The following INTS8 variants were observed in gnomAD, a reference collection of about 807,000 sequenced individuals.
INTS8 encodes integrator complex subunit 8.
Under a neutral mutation model 138.9 loss-of-function variants are expected in INTS8, and 47 were observed. That is an observed-to-expected ratio of 0.34 (90% CI 0.27 to 0.43). INTS8 has a LOEUF of 0.43. INTS8 is among the 20% of genes least tolerant of loss of function. The pLI is 1.00. For synonymous variants in INTS8, 392 were observed against 400.9 expected (o/e 0.98, Z 0.27); for missense variants, 996 against 1,173.0 (o/e 0.85, Z 2.20).
At chr8:94,849,880 C>T (rs919448866) in intron 11 of INTS8, 36 bp from the exon 12 acceptor site, 14 of 1,470,860 alleles carry the variant, frequency 9.5e-6, no homozygotes, top group African/African-American at 5.7e-5. Flanking sequence ...CTAAATTATA[C>T]ACTTTTTTGT....
At chr8:94,829,922 CAG>C (rs1490496365) in intron 5 of INTS8, among the ~76,000 whole-genome samples, 1 of 151,950 alleles carries the variant, frequency 6.6e-6, no homozygotes, top group Non-Finnish European at 1.5e-5. Context: ...TTTTTTGAGA[CAG>C]AGTCTTGCTC....
intron 10 of INTS8, among the ~76,000 whole-genome samples, chr8:94,848,550 T>C (rs963377785): frequency 3.3e-5 from 5 of 152,194 alleles, no homozygotes; most frequent in African/African-American, 1.2e-4. Flanking sequence ...ATTTATCTGT[T>C]CTGGATATTT....
chr8:94,848,348 C>T (rs1815406128), intron 10 of INTS8, among the ~76,000 whole-genome samples: 1 of 152,126 alleles, frequency 6.6e-6, no homozygotes, highest in Non-Finnish European at 1.5e-5. Flanking sequence ...AGATATAATT[C>T]ACATACCATA....
At chr8:94,875,503 T>C (rs1026813160) in intron 23 of INTS8, among the ~76,000 whole-genome samples, 6 of 152,188 alleles carry the variant, frequency 3.9e-5, no homozygotes, top group Admixed American at 2.0e-4. Context: ...AATGGACTTT[T>C]TTGGGGGAAG....
In INTS8 at chr8:94,836,328, A is replaced by G. The variant is rs546554467; in HGVS notation, c.754-196A>G. 3.3e-5 allele frequency among the ~76,000 whole-genome samples: 5 copies of G among 152,294 alleles called. No individual in the cohort carries two copies. The East Asian group carries it at 5.8e-4, about 18-fold the overall frequency. ...GACCTAAAATCTACTCAGTAAATCA[A>G]TATTCTGCTTAAGTTGACCAGAGTT... On this transcript the variant is annotated intron_variant, in intron 6 of 26. Transcript: ENST00000523731.
rs777609276 is a variant in INTS8, at chr8:94,838,489, C to T, written c.888C>T (p.Thr296=). ...AEIGSLSLHC[T]IDEKRLAGYC... Reference sequence around the variant, plus strand: ...TAGGTTCATTATCTCTTCATTGTACCATAGATGAGAAGCGGTTAGCTGGCT... The same window carrying T: ...TAGGTTCATTATCTCTTCATTGTACTATAGATGAGAAGCGGTTAGCTGGCT... The change falls in exon 8 of 27, where the codon ACC becomes ACT. Residue 296 remains threonine (T), a synonymous_variant. Coordinates refer to ENST00000523731, the MANE Select transcript of INTS8 (RefSeq NM_017864.4). 6.2e-7 allele frequency: 1 copy of T among 1,613,228 alleles called. No individual in the cohort carries two copies. The highest frequency in any genetic ancestry group is 2.2e-5 in the East Asian group (1 of 44,880).
Position 94,873,474 on chromosome 8 carries a change from C to G in INTS8, c.2634C>G (p.Asp878Glu), listed in dbSNP as rs1467830836. The G allele has an allele frequency of 1.2e-6, 2 of 1,602,662 alleles. No homozygotes were observed. The highest frequency in any genetic ancestry group is 1.7e-5 in the Admixed American group (1 of 59,988). Residue 878 changes from aspartate to glutamate, a missense_variant, in exon 22 of 27, where the codon GAC (aspartate) becomes GAG (glutamate). Coordinates refer to ENST00000523731, the MANE Select transcript of INTS8 (RefSeq NM_017864.4). ...CTGTGCCCCCTGATGTTTATACAGACCAGGTGAATTGTTTTCGTGGGCTGG... is the reference window on the plus strand; with the variant it reads ...CTGTGCCCCCTGATGTTTATACAGAGCAGGTGAATTGTTTTCGTGGGCTGG... ...NKAVPPDVYTDQVIKRMIKCC... is the reference protein window; with the variant it reads ...NKAVPPDVYTEQVIKRMIKCC...
At chr8:94,835,354 C>T (rs749842870) in intron 6 of INTS8, among the ~76,000 whole-genome samples, 6 of 152,132 alleles carry the variant, frequency 3.9e-5, no homozygotes, top group Non-Finnish European at 7.3e-5. Context: ...TTCCAGGTGT[C>T]AATATAAGCT....
intron 16 of INTS8, among the ~76,000 whole-genome samples, chr8:94,862,686 G>A (rs1264572596): frequency 1.3e-5 from 2 of 152,170 alleles, no homozygotes; most frequent in Non-Finnish European, 2.9e-5. Context: ...TATGTCATCT[G>A]GTGGTTAGGG....
chr8:94,854,821 TC>T lies in INTS8; in HGVS notation c.1752+908del, dbSNP rs1401845287. Among the ~76,000 whole-genome samples, 6 of 152,218 alleles carry T rather than the reference TC, an allele frequency of 3.9e-5. No homozygotes were observed. The East Asian group carries it at 1.2e-3, about 29-fold the overall frequency. ...ATCATGGCTCACTGCAGCCTCGACTTCCTGGGCTCAAGCAATTCTCCTACCT... is the reference window on the plus strand; with the variant it reads ...ATCATGGCTCACTGCAGCCTCGACTTCTGGGCTCAAGCAATTCTCCTACCT... On this transcript the variant is annotated intron_variant, in intron 14 of 26. Coordinates refer to ENST00000523731, the MANE Select transcript of INTS8 (RefSeq NM_017864.4).
At chr8:94,827,689 T>A in intron 3 of INTS8, 33 bp from the exon 4 acceptor site, 1 of 1,530,292 alleles carries the variant, frequency 6.5e-7, no homozygotes, top group Non-Finnish European at 9.1e-7. Context: ...ATTTATAATG[T>A]ATGAAATTTT....
intron 8 of INTS8, among the ~76,000 whole-genome samples, chr8:94,840,383 C>G (rs545837335): frequency 6.6e-6 from 1 of 152,248 alleles, no homozygotes; most frequent in Admixed American, 6.5e-5. Context: ...TTTCCCCCTC[C>G]TCTCGTTAAC....
In INTS8 at chr8:94,841,509, A is replaced by G. The variant is rs1347289089; in HGVS notation, c.1036A>G (p.Ile346Val). The change falls in exon 9 of 27, where the codon ATT becomes GTT. Residue 346 changes from isoleucine (I) to valine (V), a missense_variant. Transcript: ENST00000523731. The part of the protein sequence containing the change: ...GNYQEVIQIF[I>V]EDNLTLSLPV... Reference sequence around the variant, plus strand: ...GTTCTAGGAGGTAATACAGATTTTCATTGAAGACAACTTAACCTTGAGTTT... The same window carrying G: ...GTTCTAGGAGGTAATACAGATTTTCGTTGAAGACAACTTAACCTTGAGTTT... 1 of 1,599,204 alleles carries G rather than the reference A, an allele frequency of 6.3e-7. No homozygotes were observed.
intron 15 of INTS8, among the ~76,000 whole-genome samples, chr8:94,858,626 C>G (rs898964789): frequency 6.6e-6 from 1 of 152,162 alleles, no homozygotes; most frequent in Admixed American, 6.6e-5. Context: ...CTCATAGCAG[C>G]TCTGTGAAGT....
chr8:94,864,231 A>G (rs1816095693), intron 16 of INTS8, among the ~76,000 whole-genome samples: 1 of 152,030 alleles, frequency 6.6e-6, no homozygotes, highest in Non-Finnish European at 1.5e-5. Flanking sequence ...AAAACCACCA[A>G]TTTTTGTCCT....
Position 94,881,523 on chromosome 8 carries a change from G to T in INTS8, c.*1289G>T. On this transcript the variant is annotated 3_prime_UTR_variant, in exon 27 of 27. Transcript: ENST00000523731. ...AGAATGGCAGTGTAACTTGTGAATT[G>T]GCTAGGGCAATCAATCACAGCACTA... 1 of 1,056,252 alleles carries T rather than the reference G, an allele frequency of 9.5e-7. No individual in the cohort carries two copies. Among genetic ancestry groups the T allele is most frequent in the Non-Finnish European group, 1.4e-6 (1 of 723,784 alleles). 65.4% of individuals were successfully genotyped at this position (1,056,252 alleles called of 1,614,324 possible).
chr8:94,839,504 G>C (rs1241000283), intron 8 of INTS8, among the ~76,000 whole-genome samples: 3 of 152,096 alleles, frequency 2.0e-5, no homozygotes, highest in Non-Finnish European at 4.4e-5. Flanking sequence ...CTCTTACCTA[G>C]GGGTTTTTTT....
At chr8:94,840,195 G>A (rs893728068) in intron 8 of INTS8, among the ~76,000 whole-genome samples, 1 of 152,226 alleles carries the variant, frequency 6.6e-6, no homozygotes, top group Non-Finnish European at 1.5e-5. Flanking sequence ...TAGGAGTTGA[G>A]CAGCTGTAAC....
intron 8 of INTS8, among the ~76,000 whole-genome samples, chr8:94,840,197 A>G (rs1815081188): frequency 1.3e-5 from 2 of 152,214 alleles, no homozygotes; most frequent in Admixed American, 6.5e-5. Context: ...GGAGTTGAGC[A>G]GCTGTAACAG....
Sources: allele counts gnomAD v4.1 joint callset (sites outside exome capture counted in the v4.1 genomes callset), GRCh38; gene constraint gnomAD v4.1.1; transcripts MANE v1.5; gene names NCBI Gene and HGNC (gene_info 2026-07-23, HGNC 2026-07-21).